FAM114A1: variants seen among roughly 807,000 people sequenced by gnomAD.
The protein encoded by FAM114A1 is family with sequence similarity 114 member A1.
FAM114A1 carries 62 observed loss-of-function variants against 64.3 expected under a neutral mutation model. That is an observed-to-expected ratio of 0.96 (90% confidence interval 0.79 to 1.19). The LOEUF is 1.19. Among genes scored for constraint, FAM114A1 ranks in the 50% most tolerant of loss-of-function variants. The pLI, the probability that FAM114A1 is intolerant of heterozygous loss-of-function variation, is 0.00. For missense variants in FAM114A1, 645 were observed against 676.3 expected (o/e 0.95, Z 0.51); for synonymous variants, 254 against 251.1 (o/e 1.01, Z -0.11).
intron 4 of FAM114A1, among the ~76,000 whole-genome samples, chr4:38,898,595 A>G (rs919394414): frequency 1.3e-5 from 2 of 152,244 alleles, no homozygotes; most frequent in Admixed American, 1.3e-4. Flanking sequence ...TTCTATGAAT[A>G]AAACACAGGG....
chr4:38,932,379 G>A lies in FAM114A1; in HGVS notation c.1463+5G>A, dbSNP rs114164425. On this transcript the variant is annotated splice_donor_5th_base_variant and intron_variant, in intron 12 of 14. Coordinates refer to ENST00000358869, the MANE Select transcript of FAM114A1 (RefSeq NM_138389.4). The stretch of plus-strand genomic sequence containing the variant: ...CCAAGCAAAAGTTCTAATAAAGTAA[G>A]TAAATGTTACTTTAAATTCTTATTT... The A allele has an allele frequency of 0.01, 16,007 of 1,585,678 alleles. 303 individuals are homozygous for A. The highest frequency in any genetic ancestry group is 0.064 in the African/African-American group (4,680 of 72,946).
intron 3 of FAM114A1, among the ~76,000 whole-genome samples, chr4:38,882,035 G>A (rs1485572729): frequency 2.6e-5 from 4 of 152,068 alleles, no homozygotes; most frequent in African/African-American, 2.4e-5. Flanking sequence ...GACCAGGGCC[G>A]GGCGCGGTGG....
intron 14 of FAM114A1, 152 bp downstream of exon 14, chr4:38,941,173 C>T (rs1240847896): frequency 1.5e-6 from 1 of 660,516 alleles, no homozygotes; most frequent in Non-Finnish European, 2.6e-6. Context: ...TGTAGCTCAA[C>T]CAGCTGTAAA....
Position 38,889,816 on chromosome 4 carries a change from A to AT in FAM114A1, c.349-1919dup, listed in dbSNP as rs370088189. On this transcript the variant is annotated intron_variant, in intron 3 of 14. Transcript: ENST00000358869. ...ACATATAGTAGTTCACAAAATAGTG[A>AT]TTTTTTTTCTCTCACTTAATACAAA... Among the ~76,000 whole-genome samples, 404 of 152,134 alleles carry AT rather than the reference A, an allele frequency of 2.7e-3. 2 individuals are homozygous for AT. Among genetic ancestry groups the AT allele is most frequent in the African/African-American group, 8.9e-3 (369 of 41,476 alleles).
At chr4:38,872,594 A>T (rs1714189510) in intron 2 of FAM114A1, among the ~76,000 whole-genome samples, 1 of 152,270 alleles carries the variant, frequency 6.6e-6, no homozygotes, top group South Asian at 2.1e-4. Context: ...ATGGCAAGGT[A>T]TCATTTATTC....
chr4:38,914,866 G>A (rs1718883917), intron 7 of FAM114A1, 55 bp from the exon 8 acceptor site: 2 of 1,578,600 alleles, frequency 1.3e-6, no homozygotes, highest in Admixed American at 1.7e-5. Context: ...GTCTTACACA[G>A]GAAACGGTGC....
At chr4:38,898,065 G>A (rs1335598186) in intron 4 of FAM114A1, among the ~76,000 whole-genome samples, 1 of 152,134 alleles carries the variant, frequency 6.6e-6, no homozygotes, top group African/African-American at 2.4e-5. Context: ...TGATAGACCA[G>A]TAGTCAAAAT....
chr4:38,901,722 G>A (rs1717544649), intron 4 of FAM114A1, among the ~76,000 whole-genome samples: 1 of 152,202 alleles, frequency 6.6e-6, no homozygotes, highest in South Asian at 2.1e-4. Flanking sequence ...CAAGAAGAGA[G>A]CTTCATAAGA....
At chr4:38,898,986 AATATATGTT>A (rs1717235309) in intron 4 of FAM114A1, among the ~76,000 whole-genome samples, 1 of 107,472 alleles carries the variant, frequency 9.3e-6, no homozygotes, top group African/African-American at 2.7e-5. Context: ...TTATATATGT[AATATATGTT>A]ATATATGTAG....
intron 3 of FAM114A1, among the ~76,000 whole-genome samples, chr4:38,886,857 G>A (rs1715862250): frequency 1.3e-5 from 2 of 151,558 alleles, no homozygotes; most frequent in Non-Finnish European, 1.5e-5. Context: ...GAGCCCAGGA[G>A]GTGGAGGCTG....
At chr4:38,929,137 C>T (rs1487265013) in intron 9 of FAM114A1, 105 bp from the exon 10 acceptor site, 5 of 863,380 alleles carry the variant, frequency 5.8e-6, no homozygotes, top group East Asian at 2.5e-5. Flanking sequence ...GCTGCTACAA[C>T]CTCCACTTAG....
chr4:38,934,138 C>G (rs10517500), intron 12 of FAM114A1, among the ~76,000 whole-genome samples: 38,495 of 152,130 alleles, frequency 0.25, 6,083 homozygotes, highest in African/African-American at 0.45. Flanking sequence ...AGGACAATCT[C>G]TAGGTACTGG....
chr4:38,874,249 T>A (rs1714386303), intron 2 of FAM114A1, among the ~76,000 whole-genome samples: 1 of 152,190 alleles, frequency 6.6e-6, no homozygotes, highest in South Asian at 2.1e-4. Flanking sequence ...CAGGAGATAA[T>A]ACATTTAAAG....
Position 38,943,568 on chromosome 4 carries a change from C to T in FAM114A1, c.*11C>T. The T allele has an allele frequency of 6.2e-7, 1 of 1,612,194 alleles. No individual in the cohort carries two copies. The highest frequency in any genetic ancestry group is 2.2e-5 in the East Asian group (1 of 44,876). ...AAAGCACAGCCGTGACCTGGCCAGA[C>T]TCCATCTAGTTAAAGGAGACAGCTG... is the stretch of plus-strand genomic sequence containing the variant. On this transcript the variant is annotated 3_prime_UTR_variant, in exon 15 of 15. Coordinates refer to ENST00000358869, the MANE Select transcript of FAM114A1 (RefSeq NM_138389.4).
chr4:38,943,210 A>G (rs981637494), intron 14 of FAM114A1, among the ~76,000 whole-genome samples: 1 of 151,920 alleles, frequency 6.6e-6, no homozygotes, highest in African/African-American at 2.4e-5. Context: ...AAAAAAAAAA[A>G]AATTCCATGA....
chr4:38,917,909 T>TG (rs1719223797), intron 8 of FAM114A1, among the ~76,000 whole-genome samples: 1 of 152,094 alleles, frequency 6.6e-6, no homozygotes, highest in Non-Finnish European at 1.5e-5. Flanking sequence ...TGATAGTTAA[T>TG]GGGTACTATA....
At chr4:38,883,833 C>T (rs1715538337) in intron 3 of FAM114A1, among the ~76,000 whole-genome samples, 1 of 152,166 alleles carries the variant, frequency 6.6e-6, no homozygotes, top group South Asian at 2.1e-4. Flanking sequence ...TCTGTGTTCC[C>T]TGAACGGTGA....
chr4:38,879,557 T>G (rs1365874549), intron 3 of FAM114A1, among the ~76,000 whole-genome samples: 1 of 152,192 alleles, frequency 6.6e-6, no homozygotes, highest in Non-Finnish European at 1.5e-5. Context: ...CCACCCACTT[T>G]TCTCAAGGGG....
chr4:38,915,123 T>G (rs1718921805), intron 8 of FAM114A1, 50 bp downstream of exon 8: 1 of 1,583,264 alleles, frequency 6.3e-7, no homozygotes. Flanking sequence ...ATGTGTTGCT[T>G]AAACATGAAA....
Sources: allele counts gnomAD v4.1 joint callset (sites outside exome capture counted in the v4.1 genomes callset), GRCh38; gene constraint gnomAD v4.1.1; transcripts MANE v1.5; gene names NCBI Gene and HGNC (gene_info 2026-07-23, HGNC 2026-07-21).